MPPED2: variants seen among roughly 807,000 people sequenced by gnomAD.
The protein encoded by MPPED2 is metallophosphoesterase MPPED2.
A neutral mutation model predicts 33.0 loss-of-function variants in MPPED2; 5 were observed. That is an observed-to-expected ratio of 0.15 (90% CI 0.08 to 0.32). The LOEUF is 0.32. Ranked by LOEUF, MPPED2 falls within the 10% of genes least tolerant of loss-of-function variation. MPPED2 has a pLI of 1.00. For synonymous variants in MPPED2, 136 were observed against 141.9 expected, an observed-to-expected ratio of 0.96 and a Z score of 0.29; for missense variants, 275 against 372.1, an observed-to-expected ratio of 0.74 and a Z score of 2.15.
At chr11:30,511,149 T>C (rs966268271) in intron 3 of MPPED2, among the ~76,000 whole-genome samples, 1 of 152,176 alleles carries the variant, frequency 6.6e-6, no homozygotes, top group African/African-American at 2.4e-5. Context: ...TCTGACTCTC[T>C]CAAAAGTCAG....
chr11:30,411,129 T>A lies in MPPED2; in HGVS notation c.*339A>T. 1 of 995,816 alleles carries A rather than the reference T, an allele frequency of 1.0e-6. No individual in the cohort carries two copies. The highest frequency in any genetic ancestry group is 1.2e-6 in the Non-Finnish European group (1 of 836,546). The allele number at this position is 995,816 out of a possible 1,614,324, so 61.7% of individuals were successfully genotyped here. The stretch of plus-strand genomic sequence containing the variant: ...TTTTAAAACACTGCCTGTTTCTTAT[T>A]TTTTTTTCTTTCAGCTTAAAGCATA... On this transcript the variant is annotated 3_prime_UTR_variant, in exon 7 of 7. Coordinates refer to ENST00000358117, the MANE Select transcript of MPPED2 (RefSeq NM_001584.3).
rs373121155 is a variant in MPPED2, at chr11:30,430,310, C to T, written c.537-12677G>A. ...TGAAAACGGAGATGTGCTGTGAGTGCGAAACACACATCATATTTTGGATGC... is the reference window on the plus strand; with the variant it reads ...TGAAAACGGAGATGTGCTGTGAGTGTGAAACACACATCATATTTTGGATGC... On this transcript the variant is annotated intron_variant, in intron 4 of 6. Transcript: ENST00000358117. Among the ~76,000 whole-genome samples, 68 of 151,560 alleles carry T rather than the reference C, an allele frequency of 4.5e-4. No homozygotes were observed. The South Asian group carries it at 0.013, about 30-fold the overall frequency.
intron 4 of MPPED2, among the ~76,000 whole-genome samples, chr11:30,428,133 C>CTTCA (rs1311853428): frequency 1.3e-5 from 2 of 152,128 alleles, no homozygotes; most frequent in Non-Finnish European, 2.9e-5. Flanking sequence ...AAAAAAGCAT[C>CTTCA]TTCAGCAAAG....
At chr11:30,485,085 A>G (rs1455039051) in intron 4 of MPPED2, among the ~76,000 whole-genome samples, 2 of 152,226 alleles carry the variant, frequency 1.3e-5, no homozygotes, top group African/African-American at 4.8e-5. Flanking sequence ...CAGGAACTTA[A>G]CATACATGAT....
chr11:30,474,724 G>A (rs372408161), intron 4 of MPPED2, among the ~76,000 whole-genome samples: 20 of 152,014 alleles, frequency 1.3e-4, no homozygotes, highest in African/African-American at 4.8e-4. Context: ...GAAATAAGAA[G>A]TGAATTCCAA....
At chr11:30,464,848 T>C (rs931815274) in intron 4 of MPPED2, among the ~76,000 whole-genome samples, 9 of 152,150 alleles carry the variant, frequency 5.9e-5, no homozygotes, top group Admixed American at 5.9e-4. Flanking sequence ...ACTTATCAGG[T>C]TGGGGAGGCA....
chr11:30,532,327 G>A (rs1489342532), intron 3 of MPPED2, among the ~76,000 whole-genome samples: 1 of 152,150 alleles, frequency 6.6e-6, no homozygotes. Context: ...GGCCTTCAAG[G>A]TCTCTTCCTG....
chr11:30,446,482 A>C (rs961959243), intron 4 of MPPED2, among the ~76,000 whole-genome samples: 13 of 150,988 alleles, frequency 8.6e-5, no homozygotes, highest in Admixed American at 8.6e-4. Context: ...TCCAAAGGGA[A>C]AAAAAAAACA....
chr11:30,468,120 C>G (rs912368995), intron 4 of MPPED2, among the ~76,000 whole-genome samples: 12 of 152,064 alleles, frequency 7.9e-5, no homozygotes, highest in Admixed American at 2.6e-4. Flanking sequence ...ACCACCTGTA[C>G]TAATATTTAC....
intron 4 of MPPED2, among the ~76,000 whole-genome samples, chr11:30,431,528 T>C (rs892405845): frequency 6.6e-6 from 1 of 152,192 alleles, no homozygotes; most frequent in African/African-American, 2.4e-5. Flanking sequence ...AACCCCTAAA[T>C]AAATGTTGGT....
chr11:30,484,220 T>C (rs1358218715), intron 4 of MPPED2, among the ~76,000 whole-genome samples: 1 of 152,120 alleles, frequency 6.6e-6, no homozygotes, highest in Non-Finnish European at 1.5e-5. Context: ...TCAGATGCTG[T>C]CTTAGGAAAT....
intron 4 of MPPED2, among the ~76,000 whole-genome samples, chr11:30,455,453 A>T (rs1201386957): frequency 1.3e-5 from 2 of 152,264 alleles, no homozygotes; most frequent in African/African-American, 4.8e-5. Flanking sequence ...TTAAGAAAAA[A>T]GGCTGCCTTC....
intron 2 of MPPED2, among the ~76,000 whole-genome samples, chr11:30,553,360 C>CA (rs1955809290): frequency 6.6e-6 from 1 of 152,198 alleles, no homozygotes. Flanking sequence ...TACCAAGGCT[C>CA]TTTTAACACC....
In MPPED2 at chr11:30,417,397, T is replaced by A. The variant is rs540068545; in HGVS notation, c.652+121A>T. 22 of 583,886 alleles carry A rather than the reference T, an allele frequency of 3.8e-5. No individual in the cohort carries two copies. The South Asian group carries it at 4.8e-4, about 13-fold the overall frequency. 36.2% of individuals were successfully genotyped at this position (583,886 alleles called of 1,614,324 possible). On this transcript the variant is annotated intron_variant, in intron 5 of 6. Coordinates refer to ENST00000358117, the MANE Select transcript of MPPED2 (RefSeq NM_001584.3). ...GAGTTTCTTTAAAGACATTGACTTT[T>A]CTTCTCGTATTCACTTTTTTTTTTT...
At chr11:30,438,553 T>C (rs2133884557) in intron 4 of MPPED2, among the ~76,000 whole-genome samples, 2 of 152,342 alleles carry the variant, frequency 1.3e-5, no homozygotes, top group Admixed American at 1.3e-4. Flanking sequence ...TGCTGATGCA[T>C]CATGGTAAAA....
chr11:30,524,060 G>A (rs903310192), intron 3 of MPPED2, among the ~76,000 whole-genome samples: 10 of 151,978 alleles, frequency 6.6e-5, no homozygotes, highest in Non-Finnish European at 1.3e-4. Context: ...TGACCAGTCT[G>A]GCCAACATGG....
intron 2 of MPPED2, among the ~76,000 whole-genome samples, chr11:30,549,864 C>T (rs943521635): frequency 1.8e-4 from 27 of 152,106 alleles, no homozygotes; most frequent in Admixed American, 2.6e-4. Flanking sequence ...TTCTCTTCCA[C>T]GTGAGAAAGT....
At chr11:30,528,546 C>T (rs536300422) in intron 3 of MPPED2, among the ~76,000 whole-genome samples, 3 of 152,292 alleles carry the variant, frequency 2.0e-5, no homozygotes, top group South Asian at 2.1e-4. Flanking sequence ...CGTGAGCCAC[C>T]GTGCCTGGCC....
chr11:30,586,523 G>A (rs1476617433), upstream of MPPED2, among the ~76,000 whole-genome samples: 1 of 152,060 alleles, frequency 6.6e-6, no homozygotes, highest in Non-Finnish European at 1.5e-5. This position sits in a 1 kb window ranked among gnomAD's most constrained non-coding sequence, Gnocchi z 4.8. Context: ...GTTTCGAGAG[G>A]AGGAGGGAGC....
Sources: allele counts gnomAD v4.1 joint callset (sites outside exome capture counted in the v4.1 genomes callset), GRCh38; gene constraint gnomAD v4.1.1; non-coding constraint Gnocchi (gnomAD v3.1); transcripts MANE v1.5; gene names NCBI Gene and HGNC (gene_info 2026-07-23, HGNC 2026-07-21).